Variants in KCNH7 observed in about 807,000 individuals in gnomAD.
KCNH7 encodes the protein potassium voltage-gated channel subfamily H member 7.
KCNH7 carries 49 observed loss-of-function variants against 120.8 expected under a neutral mutation model. That is an observed-to-expected ratio of 0.41 (90% confidence interval 0.32 to 0.51). The LOEUF is 0.51. KCNH7 is among the 20% of genes least tolerant of loss of function. The probability of loss-of-function intolerance (pLI) is 0.38; values close to 1 mark genes in which losing one functional copy is unlikely to be tolerated. For synonymous variants in KCNH7, 547 were observed against 516.1 expected, an observed-to-expected ratio of 1.06 and a Z score of -0.81; for missense variants, 1,097 against 1,446.6, an observed-to-expected ratio of 0.76 and a Z score of 3.92.
At chr2:162,735,668 C>A (rs1232744366) in intron 2 of KCNH7, among the ~76,000 whole-genome samples, 1 of 152,098 alleles carries the variant, frequency 6.6e-6, no homozygotes. Flanking sequence ...TATTTTAGTT[C>A]CCCAGTTCCT....
At chr2:162,424,002 T>C (rs1234997951) in intron 8 of KCNH7, among the ~76,000 whole-genome samples, 1 of 152,194 alleles carries the variant, frequency 6.6e-6, no homozygotes, top group Non-Finnish European at 1.5e-5. Flanking sequence ...GCCTCAAATC[T>C]AACCTTGTAG....
intron 2 of KCNH7, among the ~76,000 whole-genome samples, chr2:162,727,540 GTTTTACT>G (rs1687575610): frequency 6.6e-6 from 1 of 152,048 alleles, no homozygotes. Context: ...TGTTACTACA[GTTTTACT>G]TTTTAAAGAA....
chr2:162,756,002 A>G (rs1358933263), intron 2 of KCNH7, among the ~76,000 whole-genome samples: 2 of 152,166 alleles, frequency 1.3e-5, no homozygotes, highest in African/African-American at 4.8e-5. Flanking sequence ...GAAACAAGTG[A>G]TATTTTTAAT....
intron 1 of KCNH7, among the ~76,000 whole-genome samples, chr2:162,837,008 T>C (rs75442444): frequency 0.011 from 1,601 of 152,282 alleles, 17 homozygotes; most frequent in Non-Finnish European, 0.018. Context: ...ATTGCAAGAA[T>C]AGAATTTCCC....
intron 3 of KCNH7, among the ~76,000 whole-genome samples, chr2:162,536,212 C>T (rs567919002): frequency 4.6e-5 from 7 of 151,818 alleles, no homozygotes; most frequent in Non-Finnish European, 8.8e-5. Context: ...AGATAAAAGA[C>T]GCATTATTTT....
chr2:162,394,165 G>A (rs931074164), intron 12 of KCNH7, among the ~76,000 whole-genome samples: 1 of 151,904 alleles, frequency 6.6e-6, no homozygotes, highest in Non-Finnish European at 1.5e-5. Context: ...TTCTTAATCT[G>A]CGATGTCCTT....
intron 2 of KCNH7, among the ~76,000 whole-genome samples, chr2:162,544,924 G>T (rs1324874916): frequency 2.0e-5 from 3 of 152,094 alleles, no homozygotes; most frequent in Admixed American, 1.3e-4. Context: ...AGAATACTTT[G>T]CTCCCTGGAT....
At chr2:162,509,321 C>T (rs1209816111) in intron 5 of KCNH7, among the ~76,000 whole-genome samples, 1 of 151,314 alleles carries the variant, frequency 6.6e-6, no homozygotes, top group Non-Finnish European at 1.5e-5. Flanking sequence ...AAAAATAATG[C>T]TACTTTAAAA....
chr2:162,811,560 A>G (rs1183175094), intron 2 of KCNH7, among the ~76,000 whole-genome samples: 1 of 152,142 alleles, frequency 6.6e-6, no homozygotes, highest in Non-Finnish European at 1.5e-5. Flanking sequence ...GGCCTCGGAA[A>G]CTAAGTTATT....
rs894223244 is a variant in KCNH7 at position 162,791,101 on chromosome 2, C to T, written c.307+45436G>A. Among the ~76,000 whole-genome samples, 12 of 152,036 alleles carry T rather than the reference C, an allele frequency of 7.9e-5. 1 individual carries two copies. The highest frequency in any genetic ancestry group is 7.2e-4 in the Admixed American group (11 of 15,258). ...GACTATACCAACAAATCTGTTAAAA[C>T]CTAATTTAGTGAAGTTTCAGAATAA... is the stretch of plus-strand genomic sequence containing the variant. On this transcript the variant is annotated intron_variant, in intron 2 of 15. Coordinates refer to ENST00000332142, the MANE Select transcript of KCNH7 (RefSeq NM_033272.4).
At chr2:162,446,529 T>C (rs959357591) in intron 6 of KCNH7, 86 bp from the exon 7 acceptor site, 1 of 946,048 alleles carries the variant, frequency 1.1e-6, no homozygotes, top group Non-Finnish European at 1.5e-6. Context: ...GAACTAATTA[T>C]ACAGTAAAAT....
chr2:162,787,204 G>T (rs1489874795), intron 2 of KCNH7, among the ~76,000 whole-genome samples: 1 of 152,146 alleles, frequency 6.6e-6, no homozygotes, highest in African/African-American at 2.4e-5. Flanking sequence ...TAGGATCCAT[G>T]TGTAGGATAT....
chr2:162,372,440 A>G (rs1322259970), intron 15 of KCNH7, among the ~76,000 whole-genome samples: 3 of 152,156 alleles, frequency 2.0e-5, no homozygotes, highest in African/African-American at 7.2e-5. Flanking sequence ...GATGAATAAG[A>G]GGGTATAAGG....
At chr2:162,586,435 A>G (rs1461595436) in intron 2 of KCNH7, among the ~76,000 whole-genome samples, 1 of 152,014 alleles carries the variant, frequency 6.6e-6, no homozygotes, top group Non-Finnish European at 1.5e-5. Context: ...CCTCAAATCT[A>G]TTAGTGGAGC....
chr2:162,798,914 A>T (rs574077355), intron 2 of KCNH7, among the ~76,000 whole-genome samples: 4 of 152,168 alleles, frequency 2.6e-5, no homozygotes, highest in African/African-American at 9.6e-5. Context: ...AAAAGCAATT[A>T]CAAATCTGCT....
intron 2 of KCNH7, among the ~76,000 whole-genome samples, chr2:162,613,173 A>G (rs923895255): frequency 6.6e-6 from 1 of 152,006 alleles, no homozygotes; most frequent in Non-Finnish European, 1.5e-5. Flanking sequence ...CAGAGGTATC[A>G]TATCATACTG....
chr2:162,739,456 T>A (rs1177917872), intron 2 of KCNH7, among the ~76,000 whole-genome samples: 2 of 152,150 alleles, frequency 1.3e-5, no homozygotes, highest in Admixed American at 6.6e-5. Flanking sequence ...GGGCACCATG[T>A]CTTTTCTACC....
At chr2:162,509,759 T>G (rs1691002833) in intron 5 of KCNH7, among the ~76,000 whole-genome samples, 1 of 151,696 alleles carries the variant, frequency 6.6e-6, no homozygotes, top group Non-Finnish European at 1.5e-5. Context: ...GATTCATTTA[T>G]TTCATTTATG....
chr2:162,380,337 A>G (rs923230437), intron 13 of KCNH7, among the ~76,000 whole-genome samples: 5 of 152,288 alleles, frequency 3.3e-5, no homozygotes, highest in African/African-American at 1.2e-4. Flanking sequence ...TGATTAGAGA[A>G]CAATGAGTCT....
Sources: gnomAD v4.1 joint callset for allele counts (sites outside exome capture counted in the v4.1 genomes callset) on GRCh38, gnomAD v4.1.1 for gene constraint, MANE v1.5 for transcripts, NCBI Gene and HGNC (gene_info 2026-07-23, HGNC 2026-07-21) for gene names.